PRDM16: variants seen among roughly 807,000 people sequenced by gnomAD.
The protein encoded by PRDM16 is histone-lysine N-methyltransferase PRDM16.
PRDM16 carries 23 observed loss-of-function variants against 110.6 expected under a neutral mutation model. That is an observed-to-expected ratio of 0.21 (90% CI 0.15 to 0.29). The LOEUF (loss-of-function observed/expected upper bound fraction) is 0.29, where lower values mean the gene tolerates loss of function less well. PRDM16 is among the 10% of genes least tolerant of loss of function. PRDM16 has a pLI of 1.00. For missense variants in PRDM16, 1,615 were observed against 1,794.3 expected (o/e 0.90, Z 1.81); for synonymous variants, 799 against 781.8 (o/e 1.02, Z -0.37).
At chr1:3,362,487 C>T (rs532338526) in intron 3 of PRDM16, among the ~76,000 whole-genome samples, 1 of 152,132 alleles carries the variant, frequency 6.6e-6, no homozygotes, top group African/African-American at 2.4e-5. Flanking sequence ...TCAGGAGGGG[C>T]CAAGACAGCT....
chr1:3,404,331 T>A (rs1180862233), intron 6 of PRDM16, among the ~76,000 whole-genome samples: 1 of 152,158 alleles, frequency 6.6e-6, no homozygotes, highest in Non-Finnish European at 1.5e-5. Flanking sequence ...CAGAGGGGCA[T>A]CCTTGGGTTT....
At chr1:3,186,793 G>T (rs1465202106) in intron 2 of PRDM16, among the ~76,000 whole-genome samples, 3 of 152,204 alleles carry the variant, frequency 2.0e-5, no homozygotes, top group Admixed American at 1.3e-4. Flanking sequence ...ATCGCGGCAG[G>T]GCAGGGAGAT....
chr1:3,365,910 G>A (rs1186285516), intron 3 of PRDM16, among the ~76,000 whole-genome samples: 1 of 149,440 alleles, frequency 6.7e-6, no homozygotes, highest in East Asian at 2.0e-4. Context: ...GCACACACAT[G>A]CACACATACA....
intron 3 of PRDM16, among the ~76,000 whole-genome samples, chr1:3,361,182 C>T (rs884308): frequency 0.45 from 68,682 of 152,022 alleles, 16,060 homozygotes; most frequent in East Asian, 0.66. Flanking sequence ...TTGGGAGGCC[C>T]CCGTCCCCCT....
At chr1:3,384,202 C>CTCT (rs1297175985) in intron 3 of PRDM16, among the ~76,000 whole-genome samples, 1 of 152,244 alleles carries the variant, frequency 6.6e-6, no homozygotes, top group Non-Finnish European at 1.5e-5. Flanking sequence ...CACTCCTGCC[C>CTCT]ACAGAGACAT....
intron 2 of PRDM16, among the ~76,000 whole-genome samples, chr1:3,237,602 A>T (rs1253127661): frequency 1.3e-5 from 2 of 152,194 alleles, no homozygotes; most frequent in Non-Finnish European, 2.9e-5. Flanking sequence ...TGAGGACATG[A>T]AGGGGTGTGG....
In PRDM16 at chr1:3,243,071, A is replaced by C. The variant is rs1639711702; in HGVS notation, c.388-1016A>C. ...CCCGGCGAAATGCTCTCCAGAGCCA[A>C]AGAACGTTCCGGCTGGAGCGACCTG... is the stretch of plus-strand genomic sequence containing the variant. On this transcript the variant is annotated intron_variant, in intron 2 of 16. Transcript: ENST00000270722. The surrounding 1 kb of genome is among the most constrained non-coding windows in gnomAD (Gnocchi z 5.5). Among the ~76,000 whole-genome samples the C allele has an allele frequency of 6.6e-6, 1 of 152,112 alleles. No homozygotes were observed. Among genetic ancestry groups the C allele is most frequent in the African/African-American group, 2.4e-5 (1 of 41,448 alleles).
At chr1:3,113,283 T>G (rs1642836148) in intron 1 of PRDM16, among the ~76,000 whole-genome samples, 1 of 150,496 alleles carries the variant, frequency 6.6e-6, no homozygotes, top group Non-Finnish European at 1.5e-5. Context: ...TGCAGGGGAG[T>G]GGGAGGGGAA....
chr1:3,296,327 C>T (rs577775230), intron 3 of PRDM16, among the ~76,000 whole-genome samples: 1 of 152,344 alleles, frequency 6.6e-6, no homozygotes, highest in East Asian at 1.9e-4. Context: ...CGTTATGGTC[C>T]GAGAGGCAGC....
At chr1:3,138,102 G>A (rs967546868) in intron 1 of PRDM16, among the ~76,000 whole-genome samples, 5 of 152,160 alleles carry the variant, frequency 3.3e-5, no homozygotes, top group Non-Finnish European at 5.9e-5. Flanking sequence ...CCAACTTGTC[G>A]TTCTTGGGAC....
At chr1:3,104,131 A>G (rs564497764) in intron 1 of PRDM16, among the ~76,000 whole-genome samples, 1 of 152,328 alleles carries the variant, frequency 6.6e-6, no homozygotes, top group East Asian at 1.9e-4. Flanking sequence ...CCATGGAGAC[A>G]GGGTCCCCCG....
At chr1:3,071,403 T>G (rs1225442241) in intron 1 of PRDM16, among the ~76,000 whole-genome samples, 1 of 151,434 alleles carries the variant, frequency 6.6e-6, no homozygotes, top group African/African-American at 2.4e-5. Context: ...TTCCCGAGAG[T>G]CTTTAGTGAG....
chr1:3,431,048 A>C lies in PRDM16; in HGVS notation c.3461A>C (p.Glu1154Ala), dbSNP rs527844629. 358 of 1,556,140 alleles carry C rather than the reference A, an allele frequency of 2.3e-4. 4 individuals carry two copies. In the East Asian group the frequency reaches 8.6e-3, roughly 37 times the overall value. Residue 1154 changes from glutamate (E) to alanine (A), a missense_variant, in exon 15 of 17, where the codon GAG becomes GCG. Glu to Ala is a moderately radical substitution (Grantham distance 107). Transcript: ENST00000270722. Reference sequence around the variant, plus strand: ...GCACCCGAGCCCCAGGCCGCCTACGAGGATGAGGAGGATGAGGAGCCAGCC... The same window carrying C: ...GCACCCGAGCCCCAGGCCGCCTACGCGGATGAGGAGGATGAGGAGCCAGCC... ...SPAPEPQAAY[E>A]DEEDEEPAAS...
At chr1:3,134,495 C>T (rs1392024113) in intron 1 of PRDM16, among the ~76,000 whole-genome samples, 2 of 152,252 alleles carry the variant, frequency 1.3e-5, no homozygotes, top group Admixed American at 1.3e-4. Context: ...TCCCGCACAG[C>T]CTCTGGCATC....
chr1:3,336,768 G>C (rs1429536097), intron 3 of PRDM16, among the ~76,000 whole-genome samples: 2 of 152,078 alleles, frequency 1.3e-5, no homozygotes, highest in Non-Finnish European at 2.9e-5. Context: ...ATGTGTGTTG[G>C]TGTGAATCTG....
chr1:3,431,163 C>G (rs1340582974), intron 15 of PRDM16, 55 bp downstream of exon 15: 4 of 1,527,254 alleles, frequency 2.6e-6, no homozygotes, highest in Non-Finnish European at 3.5e-6. Flanking sequence ...GGGCGTCCAT[C>G]ACGAGGGGGA....
chr1:3,130,792 G>A (rs1250954639), intron 1 of PRDM16, among the ~76,000 whole-genome samples: 2 of 116,612 alleles, frequency 1.7e-5, no homozygotes, highest in Non-Finnish European at 3.3e-5. Context: ...GGCGGTGGGG[G>A]GGCTGTTTTT....
chr1:3,341,083 C>G (rs1367091985), intron 3 of PRDM16, among the ~76,000 whole-genome samples: 1 of 144,246 alleles, frequency 6.9e-6, no homozygotes, highest in Non-Finnish European at 1.5e-5. Context: ...CTCGTTTCTC[C>G]CCCTCTGAGC....
chr1:3,426,006 G>A, intron 13 of PRDM16, 45 bp from the exon 14 acceptor site: 1 of 1,578,678 alleles, frequency 6.3e-7, no homozygotes, highest in Non-Finnish European at 8.6e-7. Context: ...ACGGAGGGAG[G>A]GGTCCAGCGA....
Sources: gnomAD v4.1 joint callset for allele counts (sites outside exome capture counted in the v4.1 genomes callset) on GRCh38, gnomAD v4.1.1 for gene constraint, Gnocchi (gnomAD v3.1) non-coding constraint, MANE v1.5 for transcripts, NCBI Gene and HGNC (gene_info 2026-07-23, HGNC 2026-07-21) for gene names.